Variants in SYNPR observed in about 807,000 individuals in gnomAD.
SYNPR encodes the protein synaptoporin.
A neutral mutation model predicts 32.9 loss-of-function variants in SYNPR; 23 were observed. The ratio of observed to expected loss-of-function variants is 0.70; its 90% CI spans 0.50 to 0.99. SYNPR has a LOEUF of 0.99. Ranked by LOEUF, SYNPR falls within the 50% of genes least tolerant of loss-of-function variation. The probability of loss-of-function intolerance (pLI) is 0.00; values close to 1 mark genes in which losing one functional copy is unlikely to be tolerated. For missense variants in SYNPR, 318 were observed against 349.3 expected (o/e 0.91, Z 0.71); for synonymous variants, 146 against 135.9 (o/e 1.07, Z -0.52).
At chr3:63,545,155 C>T (rs1045349776) in intron 3 of SYNPR, among the ~76,000 whole-genome samples, 2 of 151,904 alleles carry the variant, frequency 1.3e-5, no homozygotes, top group African/African-American at 4.8e-5. Context: ...TACTATGTCG[C>T]CATTGGGTGT....
intron 2 of SYNPR, among the ~76,000 whole-genome samples, chr3:63,284,325 G>T (rs936711092): frequency 3.2e-4 from 48 of 152,176 alleles, no homozygotes; most frequent in African/African-American, 1.2e-3. Flanking sequence ...GTCATCAAAA[G>T]AACTTAAACT....
intron 1 of SYNPR, among the ~76,000 whole-genome samples, chr3:63,245,680 T>TGAGAGAGAGAGAGAGAGA (rs71992869): frequency 1.9e-4 from 24 of 123,354 alleles, no homozygotes; most frequent in Non-Finnish European, 3.4e-4. Flanking sequence ...CTTTGTCAAG[T>TGAGAGAGAGAGAGAGAGA]GAGAGAGAGA....
chr3:63,516,295 C>A (rs557803372), intron 3 of SYNPR, among the ~76,000 whole-genome samples: 1 of 152,000 alleles, frequency 6.6e-6, no homozygotes, highest in Non-Finnish European at 1.5e-5. Flanking sequence ...CTGGATCAAT[C>A]GGCTTTCTGG....
At chr3:63,611,583 G>A (rs1236949209) in intron 5 of SYNPR, among the ~76,000 whole-genome samples, 1 of 152,190 alleles carries the variant, frequency 6.6e-6, no homozygotes, top group Non-Finnish European at 1.5e-5. Context: ...CCAGGAAGCT[G>A]GACAGTTCTC....
intron 2 of SYNPR, among the ~76,000 whole-genome samples, chr3:63,298,712 A>G (rs2086814895): frequency 6.6e-6 from 1 of 152,100 alleles, no homozygotes; most frequent in South Asian, 2.1e-4. Flanking sequence ...GGATTCAAGT[A>G]CCTTATTTGG....
intron 4 of SYNPR, among the ~76,000 whole-genome samples, chr3:63,594,884 A>C (rs1208779059): frequency 1.3e-5 from 2 of 152,154 alleles, no homozygotes; most frequent in Non-Finnish European, 2.9e-5. Flanking sequence ...AATATTGAAA[A>C]TATAGGCAGC....
chr3:63,367,475 A>G (rs1222041977), intron 2 of SYNPR, among the ~76,000 whole-genome samples: 1 of 151,776 alleles, frequency 6.6e-6, no homozygotes, highest in Non-Finnish European at 1.5e-5. Context: ...TCCCAACTCA[A>G]CTTCCAAAGT....
At chr3:63,479,380 G>A (rs1700997063) in intron 2 of SYNPR, among the ~76,000 whole-genome samples, 1 of 151,688 alleles carries the variant, frequency 6.6e-6, no homozygotes. Context: ...ATATCTTTTG[G>A]TCAAGTTCTT....
intron 4 of SYNPR, among the ~76,000 whole-genome samples, chr3:63,608,699 A>G (rs1392729274): frequency 6.6e-6 from 1 of 152,186 alleles, no homozygotes; most frequent in Non-Finnish European, 1.5e-5. Flanking sequence ...GTGGTTAAGA[A>G]CTTGGACTCA....
chr3:63,261,055 G>A, intron 2 of SYNPR, among the ~76,000 whole-genome samples: 1 of 152,148 alleles, frequency 6.6e-6, no homozygotes, highest in African/African-American at 2.4e-5. Flanking sequence ...TCATTAAAAA[G>A]CCAGGAAACA....
chr3:63,563,501 G>A lies in SYNPR; in HGVS notation c.408+6760G>A, dbSNP rs567726767. Among the ~76,000 whole-genome samples the A allele has an allele frequency of 4.0e-4, 61 of 152,176 alleles. 1 individual carries two copies. The highest frequency in any genetic ancestry group is 1.4e-3 in the African/African-American group (59 of 41,514). On this transcript the variant is annotated intron_variant, in intron 4 of 5. Coordinates refer to ENST00000478300, the MANE Select transcript of SYNPR (RefSeq NM_001130003.2). Reference sequence around the variant, plus strand: ...GTCTCTGAGCTATACAGAAATTGCTGAGAAAGTGCTCTCTCTTCTCCCCTT... The same window carrying A: ...GTCTCTGAGCTATACAGAAATTGCTAAGAAAGTGCTCTCTCTTCTCCCCTT...
chr3:63,268,312 TTC>T (rs3082059), intron 3 of SYNPR, among the ~76,000 whole-genome samples: 12,458 of 152,194 alleles, frequency 0.082, 1,466 homozygotes, highest in African/African-American at 0.26. Context: ...TTGTGATAAC[TTC>T]TGTTTCTATT....
At chr3:63,595,612 T>C (rs1262510929) in intron 4 of SYNPR, among the ~76,000 whole-genome samples, 1 of 148,426 alleles carries the variant, frequency 6.7e-6, no homozygotes, top group African/African-American at 2.5e-5. Context: ...AATATCTGCT[T>C]CATAGAGTTG....
At chr3:63,615,199 T>C (rs555048147) in intron 5 of SYNPR, 25 bp from the exon 6 acceptor site, 1 of 1,608,902 alleles carries the variant, frequency 6.2e-7, no homozygotes, top group Non-Finnish European at 8.5e-7. Context: ...AGTCTATCAA[T>C]TCATTGGCTT....
chr3:63,322,282 G>A (rs370311216), intron 2 of SYNPR, among the ~76,000 whole-genome samples: 1 of 152,082 alleles, frequency 6.6e-6, no homozygotes, highest in East Asian at 1.9e-4. Context: ...AAACAGAGGA[G>A]GAAGACATAC....
intron 2 of SYNPR, among the ~76,000 whole-genome samples, chr3:63,424,566 A>G (rs998761610): frequency 5.3e-5 from 8 of 152,240 alleles, no homozygotes; most frequent in Non-Finnish European, 8.8e-5. Context: ...TAGTTATTGT[A>G]TTATTATATA....
chr3:63,277,136 T>C (rs951176999), upstream of SYNPR, among the ~76,000 whole-genome samples: 13 of 152,114 alleles, frequency 8.5e-5, no homozygotes, highest in Non-Finnish European at 1.8e-4. Context: ...CTTTTGTTTT[T>C]CTGATTTTAA....
At chr3:63,498,708 G>A (rs527760400) in intron 3 of SYNPR, among the ~76,000 whole-genome samples, 1 of 152,086 alleles carries the variant, frequency 6.6e-6, no homozygotes, top group Admixed American at 6.5e-5. Context: ...CAGTGCGTAA[G>A]TGCAGAGTGT....
chr3:63,467,757 C>T lies in SYNPR; in HGVS notation c.85-13075C>T, dbSNP rs146989531. 6.9e-3 allele frequency among the ~76,000 whole-genome samples: 1,057 copies of T among 152,304 alleles called. 8 individuals carry two copies. The highest frequency in any genetic ancestry group is 0.024 in the African/African-American group (988 of 41,568). On this transcript the variant is annotated intron_variant, in intron 2 of 5. Coordinates refer to ENST00000478300, the MANE Select transcript of SYNPR (RefSeq NM_001130003.2). The stretch of plus-strand genomic sequence containing the variant: ...TATTTTGAAAATTTTTCAATATCAA[C>T]GCTGCCTTTTAACTGTCTATTTTAG...
Sources: allele counts gnomAD v4.1 joint callset (sites outside exome capture counted in the v4.1 genomes callset), GRCh38; gene constraint gnomAD v4.1.1; transcripts MANE v1.5; gene names NCBI Gene and HGNC (gene_info 2026-07-23, HGNC 2026-07-21).